The following RXFP1 variants were observed in gnomAD, a reference collection of about 807,000 sequenced individuals.
The protein encoded by RXFP1 is relaxin family peptide receptor 1.
In RXFP1, 73 loss-of-function variants were observed where a neutral mutation model predicts 89.8. That is an observed-to-expected ratio of 0.81 (90% CI 0.67 to 0.99). The LOEUF (loss-of-function observed/expected upper bound fraction) is 0.99. Among genes scored for constraint, RXFP1 ranks in the 50% least tolerant of loss-of-function variants. The pLI, the probability that RXFP1 is intolerant of heterozygous loss-of-function variation, is 0.00. For synonymous variants in RXFP1, 277 were observed against 305.5 expected (o/e 0.91, Z 0.97); for missense variants, 793 against 895.5 (o/e 0.89, Z 1.46).
intron 4 of RXFP1, among the ~76,000 whole-genome samples, chr4:158,604,429 C>T (rs1762219435): frequency 6.6e-6 from 1 of 152,154 alleles, no homozygotes; most frequent in Admixed American, 6.5e-5. Context: ...GCTTTTACTA[C>T]ATTACATTGC....
At chr4:158,642,662 CA>C (rs1377219741) in intron 14 of RXFP1, among the ~76,000 whole-genome samples, 1 of 152,156 alleles carries the variant, frequency 6.6e-6, no homozygotes, top group Non-Finnish European at 1.5e-5. Flanking sequence ...ATATCTACCA[CA>C]TTTTTTTATC....
intron 3 of RXFP1, among the ~76,000 whole-genome samples, chr4:158,597,053 G>T (rs1339620837): frequency 6.6e-6 from 1 of 152,142 alleles, no homozygotes; most frequent in Non-Finnish European, 1.5e-5. Flanking sequence ...TTTGTGGGGG[G>T]TAGTGCAGCT....
chr4:158,572,905 T>G (rs1434332208), intron 2 of RXFP1, 70 bp downstream of exon 2: 2 of 1,562,234 alleles, frequency 1.3e-6, no homozygotes, highest in African/African-American at 2.7e-5. Flanking sequence ...TCGCTGAGAC[T>G]TCTCTCAACA....
intron 1 of RXFP1, among the ~76,000 whole-genome samples, chr4:158,529,899 T>G (rs1259591855): frequency 6.6e-6 from 1 of 152,228 alleles, no homozygotes; most frequent in African/African-American, 2.4e-5. Flanking sequence ...CCTCATTAAT[T>G]AGGACTTTCA....
At chr4:158,549,536 A>G (rs933747778) in intron 1 of RXFP1, among the ~76,000 whole-genome samples, 1 of 152,074 alleles carries the variant, frequency 6.6e-6, no homozygotes, top group Non-Finnish European at 1.5e-5. Flanking sequence ...TCTGCTTTTT[A>G]GAGTTTCCAG....
chr4:158,643,366 G>GT (rs1326539721), intron 14 of RXFP1, among the ~76,000 whole-genome samples: 1 of 151,660 alleles, frequency 6.6e-6, no homozygotes, highest in Admixed American at 6.6e-5. Context: ...TTTAGCTCCT[G>GT]TATCAGTGCT....
chr4:158,623,155 A>G (rs1262664461), intron 9 of RXFP1, among the ~76,000 whole-genome samples: 1 of 152,154 alleles, frequency 6.6e-6, no homozygotes, highest in African/African-American at 2.4e-5. Context: ...AGAAATTAAT[A>G]TAGCAACCAA....
intron 9 of RXFP1, among the ~76,000 whole-genome samples, chr4:158,619,145 C>T (rs1326613870): frequency 6.6e-6 from 1 of 152,036 alleles, no homozygotes; most frequent in Non-Finnish European, 1.5e-5. Flanking sequence ...ATTATCAATA[C>T]TTCAATCAAC....
intron 1 of RXFP1, among the ~76,000 whole-genome samples, chr4:158,569,133 C>T (rs1288466025): frequency 6.6e-6 from 1 of 152,080 alleles, no homozygotes; most frequent in Non-Finnish European, 1.5e-5. Context: ...TTCGTAATTG[C>T]CAAAACTTAG....
At chr4:158,582,918 A>C (rs1312197711) in intron 2 of RXFP1, among the ~76,000 whole-genome samples, 1 of 152,212 alleles carries the variant, frequency 6.6e-6, no homozygotes, top group Non-Finnish European at 1.5e-5. Flanking sequence ...GGTCTTCCAT[A>C]TCTATTGTCA....
At chr4:158,642,972 G>T (rs1449315972) in intron 14 of RXFP1, among the ~76,000 whole-genome samples, 5 of 152,140 alleles carry the variant, frequency 3.3e-5, no homozygotes, top group Admixed American at 2.6e-4. Flanking sequence ...TTTACATAGG[G>T]CCCAAAAGAT....
chr4:158,548,505 G>C (rs1749150906), intron 1 of RXFP1, among the ~76,000 whole-genome samples: 1 of 152,260 alleles, frequency 6.6e-6, no homozygotes, highest in South Asian at 2.1e-4. Context: ...GATGTTAGCT[G>C]GTTATTTTGC....
At chr4:158,533,747 T>A (rs1744623678) in intron 1 of RXFP1, among the ~76,000 whole-genome samples, 1 of 152,226 alleles carries the variant, frequency 6.6e-6, no homozygotes, top group African/African-American at 2.4e-5. Flanking sequence ...CAATTTTCCC[T>A]ACTTTTCTAT....
At chr4:158,523,983 G>A (rs986389253) in intron 1 of RXFP1, among the ~76,000 whole-genome samples, 13 of 152,164 alleles carry the variant, frequency 8.5e-5, no homozygotes, top group African/African-American at 2.9e-4. Context: ...AACCTAAGAC[G>A]CTTAGCTGCA....
intron 1 of RXFP1, among the ~76,000 whole-genome samples, chr4:158,527,564 A>AAATATATATATATATATATAT (rs5741905): frequency 1.1e-4 from 11 of 98,324 alleles, no homozygotes; most frequent in Admixed American, 4.1e-4. Flanking sequence ...AAAAAAAAAA[A>AAATATATATATATATATATAT]ATATATATAT....
At chr4:158,566,952 G>A (rs1753698337) in intron 1 of RXFP1, among the ~76,000 whole-genome samples, 1 of 152,348 alleles carries the variant, frequency 6.6e-6, no homozygotes, top group Admixed American at 6.5e-5. Flanking sequence ...AGGGAGAGGG[G>A]CAGGCAGGAA....
chr4:158,622,820 A>G (rs1417209440), intron 9 of RXFP1, among the ~76,000 whole-genome samples: 2 of 152,196 alleles, frequency 1.3e-5, no homozygotes, highest in Admixed American at 1.3e-4. Flanking sequence ...ACTGTATTGT[A>G]TAGTGGAAAT....
chr4:158,588,499 C>T (rs1011130933), intron 2 of RXFP1, among the ~76,000 whole-genome samples: 4 of 152,170 alleles, frequency 2.6e-5, no homozygotes, highest in Non-Finnish European at 5.9e-5. Context: ...CTGCTGCTCC[C>T]GCCCCCAACA....
chr4:158,552,275 T>A (rs891997503), intron 1 of RXFP1, among the ~76,000 whole-genome samples: 3 of 152,212 alleles, frequency 2.0e-5, no homozygotes, highest in African/African-American at 7.2e-5. Context: ...AGTTGGATAG[T>A]CAAGAAAAGA....
Sources: allele counts gnomAD v4.1 joint callset (sites outside exome capture counted in the v4.1 genomes callset), GRCh38; gene constraint gnomAD v4.1.1; transcripts MANE v1.5; gene names NCBI Gene and HGNC (gene_info 2026-07-23, HGNC 2026-07-21).